Variants in PDE1A observed in about 807,000 individuals in gnomAD.
PDE1A encodes the protein phosphodiesterase 1A.
A neutral mutation model predicts 61.7 loss-of-function variants in PDE1A; 35 were observed. The ratio of observed to expected loss-of-function variants is 0.57; its 90% CI spans 0.43 to 0.75. The LOEUF (loss-of-function observed/expected upper bound fraction) is 0.75, where lower values mean the gene tolerates loss of function less well. Ranked by LOEUF, PDE1A falls within the 30% of genes least tolerant of loss-of-function variation. The pLI, the probability that PDE1A is intolerant of heterozygous loss-of-function variation, is 0.00. For synonymous variants in PDE1A, 232 were observed against 213.2 expected (o/e 1.09, Z -0.77); for missense variants, 597 against 630.6 (o/e 0.95, Z 0.57).
the PDE1A span, among the ~76,000 whole-genome samples, chr2:182,694,635 G>T: frequency 2.0e-5 from 3 of 152,076 alleles, no homozygotes; most frequent in East Asian, 3.9e-4. Flanking sequence ...TAGAACAAAT[G>T]TTTACAGAAA....
intron 1 of PDE1A, among the ~76,000 whole-genome samples, chr2:182,275,424 G>A (rs1269342855): frequency 6.6e-6 from 1 of 152,118 alleles, no homozygotes; most frequent in African/African-American, 2.4e-5. Flanking sequence ...GCACTGCAGG[G>A]CAGGGATAAA....
At chr2:182,185,662 C>T (rs952157245) in intron 13 of PDE1A, 16 of 646,186 alleles carry the variant, frequency 2.5e-5, no homozygotes, top group Non-Finnish European at 3.5e-5. Context: ...TTTGCCAGCA[C>T]CCACTGACAC....
chr2:182,418,110 G>A (rs559806294), intron 1 of PDE1A, among the ~76,000 whole-genome samples: 59 of 152,180 alleles, frequency 3.9e-4, no homozygotes, highest in African/African-American at 1.3e-3. Flanking sequence ...AAATGCATAA[G>A]GAAGCTCTGT....
chr2:182,165,478 C>A (rs1050708839), downstream of PDE1A, among the ~76,000 whole-genome samples: 7 of 152,078 alleles, frequency 4.6e-5, no homozygotes, highest in African/African-American at 1.7e-4. Flanking sequence ...GCCTACTGTT[C>A]CACAATGGAG....
chr2:182,214,284 C>G (rs1267366103), intron 7 of PDE1A, among the ~76,000 whole-genome samples: 1 of 151,878 alleles, frequency 6.6e-6, no homozygotes, highest in African/African-American at 2.4e-5. Context: ...TGGAAAGGAA[C>G]AACCAGTACC....
At chr2:182,640,625 C>T in the PDE1A span, among the ~76,000 whole-genome samples, 1 of 151,960 alleles carries the variant, frequency 6.6e-6, no homozygotes, top group Non-Finnish European at 1.5e-5. Context: ...CTAATTTTAT[C>T]ATTTCTCTTA....
the PDE1A span, among the ~76,000 whole-genome samples, chr2:182,546,496 G>A: frequency 1.3e-5 from 2 of 152,258 alleles, no homozygotes; most frequent in African/African-American, 4.8e-5. Flanking sequence ...AAGGCCCTGT[G>A]AGGAAGCAAC....
downstream of PDE1A, among the ~76,000 whole-genome samples, chr2:182,166,252 G>T (rs923376812): frequency 1.3e-5 from 2 of 152,142 alleles, no homozygotes; most frequent in Non-Finnish European, 2.9e-5. Context: ...CCATGAGTCA[G>T]TGGGCTGAGA....
the PDE1A span, among the ~76,000 whole-genome samples, chr2:182,607,471 C>A: frequency 6.6e-6 from 1 of 152,058 alleles, no homozygotes; most frequent in South Asian, 2.1e-4. Context: ...GGTTCCAGAA[C>A]CCCCGCGTAT....
At chr2:182,716,055 G>T in the PDE1A span, 1 of 152,300 alleles carries the variant, frequency 6.6e-6, no homozygotes, top group African/African-American at 2.4e-5. Flanking sequence ...TGGTGAGGGG[G>T]CGCGGGCTGC....
At chr2:182,472,902 G>A (rs1687119981) in intron 2 of PDE1A, among the ~76,000 whole-genome samples, 1 of 150,938 alleles carries the variant, frequency 6.6e-6, no homozygotes, top group Admixed American at 6.6e-5. Context: ...CCTACCTTTA[G>A]TATCCAGACT....
At chr2:182,212,868 T>A (rs867997886) in intron 7 of PDE1A, among the ~76,000 whole-genome samples, 19 of 152,076 alleles carry the variant, frequency 1.2e-4, no homozygotes, top group African/African-American at 4.3e-4. Context: ...CCAGCCTTGA[T>A]TAGGTAAACA....
At chr2:182,552,453 T>G in the PDE1A span, among the ~76,000 whole-genome samples, 1 of 147,218 alleles carries the variant, frequency 6.8e-6, no homozygotes, top group Admixed American at 6.8e-5. Flanking sequence ...TTTTTTTTTT[T>G]TTTTTTTTTG....
At chr2:182,218,439 A>G (rs1374528853) in intron 7 of PDE1A, among the ~76,000 whole-genome samples, 1 of 151,972 alleles carries the variant, frequency 6.6e-6, no homozygotes, top group Non-Finnish European at 1.5e-5. Flanking sequence ...AAAAAACAAG[A>G]AAAAAAAGAA....
intron 1 of PDE1A, among the ~76,000 whole-genome samples, chr2:182,279,801 T>G (rs2125846409): frequency 6.6e-6 from 1 of 152,068 alleles, no homozygotes; most frequent in Non-Finnish European, 1.5e-5. Flanking sequence ...CTTCATCCAC[T>G]TAGTCCTACC....
intron 1 of PDE1A, among the ~76,000 whole-genome samples, chr2:182,375,009 A>T (rs1700315221): frequency 6.6e-6 from 1 of 152,222 alleles, no homozygotes; most frequent in African/African-American, 2.4e-5. Context: ...CGTGAGACTT[A>T]TTCACTACCA....
At chr2:182,379,754 A>G (rs149271285) in intron 1 of PDE1A, among the ~76,000 whole-genome samples, 34 of 152,118 alleles carry the variant, frequency 2.2e-4, no homozygotes, top group African/African-American at 6.0e-4. Context: ...AAAAGTGGGT[A>G]TTTTTCAGGA....
intron 1 of PDE1A, among the ~76,000 whole-genome samples, chr2:182,273,798 G>A (rs1485260010): frequency 6.6e-6 from 1 of 152,078 alleles, no homozygotes; most frequent in Non-Finnish European, 1.5e-5. Context: ...AAGCACTAAG[G>A]TGGTGAAAAC....
the PDE1A span, among the ~76,000 whole-genome samples, chr2:182,593,574 G>T: frequency 1.3e-5 from 2 of 152,210 alleles, no homozygotes; most frequent in Admixed American, 1.3e-4. Context: ...GAGGGAATTT[G>T]TGTTGGATTT....
Sources: gnomAD v4.1 joint callset for allele counts (sites outside exome capture counted in the v4.1 genomes callset) on GRCh38, gnomAD v4.1.1 for gene constraint, MANE v1.5 for transcripts, NCBI Gene and HGNC (gene_info 2026-07-23, HGNC 2026-07-21) for gene names.